EFR3A: variants seen among roughly 807,000 people sequenced by gnomAD.
The protein encoded by EFR3A is protein EFR3 homolog A.
In EFR3A, 76 loss-of-function variants were observed where a neutral mutation model predicts 104.4. The observed-to-expected ratio is 0.73, with a 90% confidence interval of 0.60 to 0.88. EFR3A has a LOEUF of 0.88. Ranked by LOEUF, EFR3A falls within the 40% of genes least tolerant of loss-of-function variation. The pLI is 0.00. For synonymous variants in EFR3A, 330 were observed against 330.0 expected, an observed-to-expected ratio of 1.00 and a Z score of 0.00; for missense variants, 985 against 1,012.5, an observed-to-expected ratio of 0.97 and a Z score of 0.37.
At chr8:131,943,386 T>TAGG (rs1818258127) in intron 2 of EFR3A, among the ~76,000 whole-genome samples, 1 of 151,980 alleles carries the variant, frequency 6.6e-6, no homozygotes, top group African/African-American at 2.4e-5. Flanking sequence ...ATTAAAAATA[T>TAGG]AGGAGAGACA....
intron 10 of EFR3A, among the ~76,000 whole-genome samples, chr8:131,971,421 G>A (rs931386049): frequency 6.6e-5 from 10 of 152,100 alleles, no homozygotes; most frequent in African/African-American, 2.4e-4. Flanking sequence ...GTGCGCGGTG[G>A]CTCACACCTG....
intron 19 of EFR3A, 59 bp downstream of exon 19, chr8:131,996,556 T>C: frequency 1.7e-6 from 2 of 1,176,090 alleles, no homozygotes; most frequent in South Asian, 1.6e-5. Flanking sequence ...TTAAAAGAAT[T>C]TTTTGCCTTC....
chr8:131,946,439 AG>A, intron 3 of EFR3A, 43 bp from the exon 4 acceptor site: 1 of 1,476,046 alleles, frequency 6.8e-7, no homozygotes, highest in Non-Finnish European at 9.0e-7. Context: ...AGGAGAATTA[AG>A]AGAGGTAGAA....
intron 8 of EFR3A, among the ~76,000 whole-genome samples, chr8:131,964,735 C>CA (rs1563670666): frequency 6.6e-6 from 1 of 151,814 alleles, no homozygotes; most frequent in Non-Finnish European, 1.5e-5. Context: ...CATATGGAAC[C>CA]AAAAAAAGAG....
intron 10 of EFR3A, among the ~76,000 whole-genome samples, chr8:131,975,494 G>A (rs968109859): frequency 4.7e-5 from 6 of 128,794 alleles, no homozygotes; most frequent in Non-Finnish European, 6.2e-5. Context: ...TTGGCTCACC[G>A]CGACCTCCAC....
intron 7 of EFR3A, among the ~76,000 whole-genome samples, chr8:131,957,249 T>C: frequency 6.6e-6 from 1 of 152,080 alleles, no homozygotes; most frequent in East Asian, 1.9e-4. Flanking sequence ...ACATGCATAA[T>C]ATTTATAAAA....
At chr8:131,993,950 AAGG>A (rs1321895501) in intron 18 of EFR3A, among the ~76,000 whole-genome samples, 3 of 152,268 alleles carry the variant, frequency 2.0e-5, no homozygotes, top group Admixed American at 6.5e-5. Context: ...GGGTGGGAGA[AAGG>A]AGAGCATCCA....
chr8:131,955,956 T>C, intron 7 of EFR3A, 51 bp downstream of exon 7: 2 of 1,596,630 alleles, frequency 1.3e-6, no homozygotes, highest in South Asian at 1.1e-5. Flanking sequence ...GTATTAATTC[T>C]GTGTTAACTT....
At chr8:131,950,852 A>G (rs1818666741) in intron 5 of EFR3A, among the ~76,000 whole-genome samples, 1 of 152,262 alleles carries the variant, frequency 6.6e-6, no homozygotes, top group East Asian at 1.9e-4. Context: ...GATATATCCT[A>G]CTAAAAATCT....
chr8:131,988,205 C>T (rs934733759), intron 18 of EFR3A, among the ~76,000 whole-genome samples: 25 of 151,204 alleles, frequency 1.7e-4, no homozygotes, highest in African/African-American at 5.6e-4. Context: ...TTTCCCATTG[C>T]TTGAAATAAT....
At chr8:131,987,478 G>A in intron 17 of EFR3A, 97 bp from the exon 18 acceptor site, 1 of 1,299,496 alleles carries the variant, frequency 7.7e-7, no homozygotes, top group Non-Finnish European at 1.0e-6. Context: ...TTTATATTTA[G>A]AATATTGAGG....
chr8:131,981,708 A>G (rs750830145), intron 14 of EFR3A, among the ~76,000 whole-genome samples: 3 of 152,058 alleles, frequency 2.0e-5, no homozygotes, highest in East Asian at 1.9e-4. Context: ...TATATTTTCT[A>G]TATTAACTTT....
chr8:131,962,083 C>T lies in EFR3A; in HGVS notation c.855+2420C>T, dbSNP rs965771754. 7.2e-5 allele frequency among the ~76,000 whole-genome samples: 11 copies of T among 152,260 alleles called. 1 individual carries two copies. Among genetic ancestry groups the T allele is most frequent in the Admixed American group, 3.9e-4 (6 of 15,290 alleles). On this transcript the variant is annotated intron_variant, in intron 8 of 22. Coordinates refer to ENST00000254624, the MANE Select transcript of EFR3A (RefSeq NM_015137.6). Reference sequence around the variant, plus strand: ...AGCACTAAACATGGAAAGGAACAACCGGTACCAGCCACTGCAAAAACATGC... The same window carrying T: ...AGCACTAAACATGGAAAGGAACAACTGGTACCAGCCACTGCAAAAACATGC...
intron 8 of EFR3A, among the ~76,000 whole-genome samples, chr8:131,962,254 C>G (rs1348998660): frequency 6.6e-6 from 1 of 152,170 alleles, no homozygotes; most frequent in Non-Finnish European, 1.5e-5. Context: ...AATTAAAAGT[C>G]ACAGACTGGC....
At chr8:131,962,966 A>G (rs1489862503) in intron 8 of EFR3A, among the ~76,000 whole-genome samples, 1 of 152,260 alleles carries the variant, frequency 6.6e-6, no homozygotes, top group Non-Finnish European at 1.5e-5. Context: ...CTCCTGAATG[A>G]CTACTGGGTA....
chr8:131,968,379 A>T lies in EFR3A; in HGVS notation c.940A>T (p.Ile314Phe). ...KKDAPRVRAGIIQVLLEAVAI... is the reference protein window; with the variant it reads ...KKDAPRVRAGFIQVLLEAVAI... Reference sequence around the variant, plus strand: ...AGATGCTCCCCGGGTTCGAGCAGGTATTATTCAGGTTCTGTTAGAGGCTGT... The same window carrying T: ...AGATGCTCCCCGGGTTCGAGCAGGTTTTATTCAGGTTCTGTTAGAGGCTGT... Residue 314 changes from isoleucine (I) to phenylalanine (F), a missense_variant, in exon 9 of 23, where the codon ATT becomes TTT. By Grantham distance (21) the Ile-to-Phe change is conservative. Transcript: ENST00000254624. 1 of 1,613,642 alleles carries T rather than the reference A, an allele frequency of 6.2e-7. No homozygotes were observed. Among genetic ancestry groups the T allele is most frequent in the Non-Finnish European group, 8.5e-7 (1 of 1,179,654 alleles).
In EFR3A at chr8:131,930,578, G is replaced by A. The variant is rs551118768; in HGVS notation, c.11-9921G>A. ...TACTATACTTGAAATACTTGGCTTA[G>A]GATTTTAAAGACCATTTAGTCATGA... is the stretch of plus-strand genomic sequence containing the variant. On this transcript the variant is annotated intron_variant, in intron 1 of 22. Transcript: ENST00000254624. Among the ~76,000 whole-genome samples the A allele has an allele frequency of 2.0e-3, 299 of 151,982 alleles. 1 individual carries two copies. Among genetic ancestry groups the A allele is most frequent in the Non-Finnish European group, 2.9e-3 (199 of 67,952 alleles).
chr8:131,962,242 G>C (rs1040038034), intron 8 of EFR3A, among the ~76,000 whole-genome samples: 14 of 152,084 alleles, frequency 9.2e-5, no homozygotes, highest in African/African-American at 3.4e-4. Flanking sequence ...GCTAAATGCT[G>C]CAATTAAAAG....
intron 1 of EFR3A, among the ~76,000 whole-genome samples, chr8:131,908,878 A>G (rs369070108): frequency 2.6e-5 from 4 of 152,232 alleles, no homozygotes; most frequent in African/African-American, 9.7e-5. Context: ...TTTCACATTT[A>G]TGGAGTAGGG....
Sources: allele counts gnomAD v4.1 joint callset (sites outside exome capture counted in the v4.1 genomes callset), GRCh38; gene constraint gnomAD v4.1.1; transcripts MANE v1.5; gene names NCBI Gene and HGNC (gene_info 2026-07-23, HGNC 2026-07-21).